Variants in DPYD observed in about 807,000 individuals in gnomAD.
DPYD encodes dihydropyrimidine dehydrogenase.
A neutral mutation model predicts 116.2 loss-of-function variants in DPYD; 109 were observed. That is an observed-to-expected ratio of 0.94 (90% CI 0.80 to 1.10). DPYD has a LOEUF of 1.10. Ranked by LOEUF, DPYD falls within the 50% of genes least tolerant of loss-of-function variation. The pLI is 0.00. For missense variants in DPYD, 1,302 were observed against 1,254.5 expected (o/e 1.04, Z -0.57); for synonymous variants, 440 against 432.0 (o/e 1.02, Z -0.23).
At chr1:97,802,578 T>C (rs1667894918) in intron 3 of DPYD, among the ~76,000 whole-genome samples, 1 of 151,846 alleles carries the variant, frequency 6.6e-6, no homozygotes, top group Admixed American at 6.6e-5. Context: ...CCCTCAGATA[T>C]TTATTTTACC....
chr1:97,491,882 A>T (rs1378420358), intron 13 of DPYD, among the ~76,000 whole-genome samples: 1 of 152,164 alleles, frequency 6.6e-6, no homozygotes, highest in East Asian at 1.9e-4. Flanking sequence ...TTCTCCAACC[A>T]ACTTCCGGGG....
chr1:97,456,246 T>G (rs1676678291), intron 13 of DPYD, among the ~76,000 whole-genome samples: 1 of 151,944 alleles, frequency 6.6e-6, no homozygotes, highest in Non-Finnish European at 1.5e-5. Context: ...TCATTTCAGT[T>G]GCAAGAAAAA....
intron 3 of DPYD, among the ~76,000 whole-genome samples, chr1:97,813,467 C>T (rs1668427921): frequency 6.6e-6 from 1 of 151,906 alleles, no homozygotes; most frequent in Admixed American, 6.6e-5. Flanking sequence ...TTTCTTTCCC[C>T]ATCTAAAAGA....
At chr1:97,787,587 A>T (rs1358017229) in intron 3 of DPYD, among the ~76,000 whole-genome samples, 1 of 152,198 alleles carries the variant, frequency 6.6e-6, no homozygotes, top group Non-Finnish European at 1.5e-5. Flanking sequence ...AAGGCACACC[A>T]TTTAAAATAA....
At chr1:97,636,262 T>C (rs912540861) in intron 8 of DPYD, among the ~76,000 whole-genome samples, 1 of 152,138 alleles carries the variant, frequency 6.6e-6, no homozygotes, top group Non-Finnish European at 1.5e-5. Context: ...AAAGTAATAA[T>C]ACCAATTAAT....
chr1:97,618,672 G>T (rs1272423453), intron 8 of DPYD, among the ~76,000 whole-genome samples: 1 of 152,120 alleles, frequency 6.6e-6, no homozygotes, highest in African/African-American at 2.4e-5. Flanking sequence ...CAGCAGCATT[G>T]CTATAGATGA....
chr1:97,828,258 A>C (rs549410489), intron 2 of DPYD, 62 bp from the exon 3 acceptor site: 68 of 1,483,850 alleles, frequency 4.6e-5, no homozygotes, highest in Non-Finnish European at 5.6e-6. Flanking sequence ...GTATCTATGC[A>C]GTTATGCAAA....
chr1:97,432,932 G>A (rs1341508960), intron 14 of DPYD, among the ~76,000 whole-genome samples: 1 of 152,116 alleles, frequency 6.6e-6, no homozygotes, highest in Non-Finnish European at 1.5e-5. Context: ...TTTACTTATT[G>A]TTAATCCAGT....
intron 13 of DPYD, among the ~76,000 whole-genome samples, chr1:97,492,721 A>G (rs1306728156): frequency 6.6e-6 from 1 of 152,174 alleles, no homozygotes; most frequent in Admixed American, 6.6e-5. Context: ...TCCTGAAGAT[A>G]ATAAACATTT....
At chr1:97,530,567 G>A (rs1019254681) in intron 12 of DPYD, among the ~76,000 whole-genome samples, 2 of 152,174 alleles carry the variant, frequency 1.3e-5, no homozygotes, top group African/African-American at 4.8e-5. Flanking sequence ...TGGCTATTGT[G>A]AATAATGTTG....
intron 20 of DPYD, among the ~76,000 whole-genome samples, chr1:97,174,147 C>T (rs547318464): frequency 6.6e-6 from 1 of 151,972 alleles, no homozygotes; most frequent in Non-Finnish European, 1.5e-5. Context: ...GTAGGTAGGA[C>T]GTTAGGGCAA....
intron 20 of DPYD, among the ~76,000 whole-genome samples, chr1:97,126,483 T>C (rs1178002407): frequency 6.6e-6 from 1 of 152,132 alleles, no homozygotes; most frequent in Non-Finnish European, 1.5e-5. Flanking sequence ...CCTCAGTCTA[T>C]GCACGTGCAT....
intron 14 of DPYD, among the ~76,000 whole-genome samples, chr1:97,397,676 C>T (rs1673091174): frequency 6.6e-6 from 1 of 152,010 alleles, no homozygotes; most frequent in Non-Finnish European, 1.5e-5. Context: ...AAGCTTCCTC[C>T]ATGTTTTCAT....
chr1:97,333,655 G>A (rs958791345), intron 16 of DPYD, among the ~76,000 whole-genome samples: 11 of 149,794 alleles, frequency 7.3e-5, no homozygotes, highest in African/African-American at 2.7e-4. Flanking sequence ...CGAGTAGCCG[G>A]GATTACAGGT....
intron 2 of DPYD, among the ~76,000 whole-genome samples, chr1:97,849,789 A>G (rs1670485565): frequency 6.6e-6 from 1 of 152,214 alleles, no homozygotes; most frequent in African/African-American, 2.4e-5. Flanking sequence ...CAAATTTACA[A>G]ATTTTATTTC....
intron 2 of DPYD, among the ~76,000 whole-genome samples, chr1:97,837,524 T>A (rs1330581406): frequency 6.6e-6 from 1 of 152,138 alleles, no homozygotes; most frequent in African/African-American, 2.4e-5. Flanking sequence ...AATCAGAAAA[T>A]GTCAGCTGTG....
intron 8 of DPYD, among the ~76,000 whole-genome samples, chr1:97,654,932 A>T (rs1658814617): frequency 6.6e-6 from 1 of 152,148 alleles, no homozygotes; most frequent in South Asian, 2.1e-4. Context: ...ATGAGAACAA[A>T]GAGAAAAGGG....
intron 14 of DPYD, among the ~76,000 whole-genome samples, chr1:97,436,284 G>T (rs568034620): frequency 5.3e-5 from 8 of 152,062 alleles, no homozygotes; most frequent in Non-Finnish European, 8.8e-5. Context: ...TTACTAAATT[G>T]ATATTATGTA....
intron 8 of DPYD, among the ~76,000 whole-genome samples, chr1:97,614,416 G>A (rs577996091): frequency 6.6e-6 from 1 of 152,088 alleles, no homozygotes; most frequent in South Asian, 2.1e-4. Context: ...AGACTGAGTT[G>A]ATTTCCCCCA....
Sources: gnomAD v4.1 joint callset for allele counts (sites outside exome capture counted in the v4.1 genomes callset) on GRCh38, gnomAD v4.1.1 for gene constraint, MANE v1.5 for transcripts, NCBI Gene and HGNC (gene_info 2026-07-23, HGNC 2026-07-21) for gene names.